LRRK2: variants seen among roughly 807,000 people sequenced by gnomAD.
LRRK2 encodes leucine-rich repeat serine/threonine-protein kinase 2.
LRRK2 carries 203 observed loss-of-function variants against 302.6 expected under a neutral mutation model. The observed-to-expected ratio is 0.67, with a 90% CI of 0.60 to 0.75. The LOEUF (loss-of-function observed/expected upper bound fraction) is 0.75, where lower values mean the gene tolerates loss of function less well. Among genes scored for constraint, LRRK2 ranks in the 30% least tolerant of loss-of-function variants. LRRK2 has a pLI of 0.00. For synonymous variants in LRRK2, 1,066 were observed against 1,031.9 expected (o/e 1.03, Z -0.63); for missense variants, 2,830 against 2,951.0 (o/e 0.96, Z 0.95).
chr12:40,353,344 A>G (rs140722234), intron 44 of LRRK2, among the ~76,000 whole-genome samples: 108,038 of 138,900 alleles, frequency 0.78, 42,176 homozygotes, highest in Non-Finnish European at 0.86. Context: ...CCTCCCAGAC[A>G]GGGTTGCGGC....
intron 25 of LRRK2, among the ~76,000 whole-genome samples, chr12:40,300,576 A>G (rs937400301): frequency 4.6e-5 from 7 of 152,098 alleles, no homozygotes; most frequent in Non-Finnish European, 1.0e-4. Context: ...CTTAATTTGG[A>G]TAGTATTTTC....
chr12:40,291,140 GA>G (rs199750900), intron 20 of LRRK2, among the ~76,000 whole-genome samples: 1,779 of 152,150 alleles, frequency 0.012, 42 homozygotes, highest in African/African-American at 0.041. Flanking sequence ...GGACATGGAT[GA>G]AGCTGGAAAC....
At chr12:40,333,856 T>A (rs1945788872) in intron 39 of LRRK2, among the ~76,000 whole-genome samples, 1 of 151,920 alleles carries the variant, frequency 6.6e-6, no homozygotes, top group East Asian at 2.0e-4. Context: ...AAAGACCCTA[T>A]GATGGGAAGA....
intron 8 of LRRK2, among the ~76,000 whole-genome samples, chr12:40,250,886 A>G (rs994083328): frequency 4.0e-5 from 6 of 151,610 alleles, no homozygotes; most frequent in African/African-American, 7.3e-5. Context: ...TATGTACCAC[A>G]TTTTCTTTAT....
intron 3 of LRRK2, 195 bp downstream of exon 3, chr12:40,232,578 C>T: frequency 1.9e-6 from 1 of 538,532 alleles, no homozygotes; most frequent in Non-Finnish European, 3.3e-6. Context: ...AGAAAGCAAA[C>T]ATTTAAGGTA....
intron 14 of LRRK2, among the ~76,000 whole-genome samples, chr12:40,265,293 C>T (rs1942960971): frequency 6.6e-6 from 1 of 152,058 alleles, no homozygotes; most frequent in South Asian, 2.1e-4. Flanking sequence ...ATCTCATAAG[C>T]CGGTTGTTGA....
rs117297508 is a variant in LRRK2, at chr12:40,235,945, C to T, written c.436+231C>T. Among the ~76,000 whole-genome samples, 4,714 of 151,916 alleles carry T rather than the reference C, an allele frequency of 0.031. 201 individuals are homozygous for T. Among genetic ancestry groups the T allele is most frequent in the Admixed American group, 0.11 (1,697 of 15,246 alleles). On this transcript the variant is annotated intron_variant, in intron 4 of 50. Coordinates refer to ENST00000298910, the MANE Select transcript of LRRK2 (RefSeq NM_198578.4). The stretch of plus-strand genomic sequence containing the variant: ...AATTCTTTCTGTTTCCATCTCTTCT[C>T]CTTATCTCTTTTCTCTATACTTTGC...
At chr12:40,260,678 G>T (rs905794329) in intron 13 of LRRK2, among the ~76,000 whole-genome samples, 1 of 152,078 alleles carries the variant, frequency 6.6e-6, no homozygotes, top group Admixed American at 6.6e-5. Context: ...ATAGCATTGT[G>T]GTGCAGAGGA....
chr12:40,313,890 CT>C, intron 31 of LRRK2, 81 bp from the exon 32 acceptor site: 1 of 1,065,052 alleles, frequency 9.4e-7, no homozygotes, highest in Non-Finnish European at 1.4e-6. Flanking sequence ...TCTGTAAAAA[CT>C]GTTAGCACTG....
At chr12:40,314,739 G>C (rs184264418) in intron 32 of LRRK2, among the ~76,000 whole-genome samples, 2 of 152,086 alleles carry the variant, frequency 1.3e-5, no homozygotes, top group African/African-American at 4.8e-5. Flanking sequence ...TGAGTTGTTT[G>C]ATAGTACTAG....
At chr12:40,248,047 C>CT (rs1942088686) in intron 7 of LRRK2, among the ~76,000 whole-genome samples, 1 of 151,840 alleles carries the variant, frequency 6.6e-6, no homozygotes, top group Non-Finnish European at 1.5e-5. Context: ...TCAGGTGACC[C>CT]TTTATTCATT....
chr12:40,227,561 A>G (rs1298456787), intron 2 of LRRK2, among the ~76,000 whole-genome samples: 1 of 152,218 alleles, frequency 6.6e-6, no homozygotes, highest in Non-Finnish European at 1.5e-5. Context: ...GCAATATTTT[A>G]TTTCTGTACC....
chr12:40,287,505 T>C lies in LRRK2; in HGVS notation c.2655T>C (p.Ser885=), dbSNP rs897809290. The change falls in exon 20 of 51, where the codon AGT becomes AGC. Residue 885 remains serine (S), a synonymous_variant. Coordinates refer to ENST00000298910, the MANE Select transcript of LRRK2 (RefSeq NM_198578.4). ...TTATTCCTGACTCTTCTATGGACAG[T>C]GTGTTTGCTCAAAGTGATGACCTGG... ...WTFIPDSSMD[S]VFAQSDDLDS... The C allele has an allele frequency of 6.2e-7, 1 of 1,612,596 alleles. No individual in the cohort carries two copies. The highest frequency in any genetic ancestry group is 8.5e-7 in the Non-Finnish European group (1 of 1,178,950).
At position 40,295,659 on chromosome 12, in the gene LRRK2, T is replaced by A; in HGVS notation, c.3096+15T>A. 2.5e-6 allele frequency: 4 copies of A among 1,607,992 alleles called. No individual in the cohort carries two copies. Among genetic ancestry groups the A allele is most frequent in the Non-Finnish European group, 3.4e-6 (4 of 1,175,190 alleles). On this transcript the variant is annotated intron_variant, in intron 23 of 50. Transcript: ENST00000298910. Reference sequence around the variant, plus strand: ...AGCTATGTGAAGTAAATTTAATTTATCCTTGTAACTTTCAAGACATTTGAA... The same window carrying A: ...AGCTATGTGAAGTAAATTTAATTTAACCTTGTAACTTTCAAGACATTTGAA...
At position 40,333,237 on chromosome 12, in the gene LRRK2, C is replaced by G. The variant is rs11834838; in HGVS notation, c.5758-1730C>G. On this transcript the variant is annotated intron_variant, in intron 39 of 50. Coordinates refer to ENST00000298910, the MANE Select transcript of LRRK2 (RefSeq NM_198578.4). The stretch of plus-strand genomic sequence containing the variant: ...ATTTTATCTACTAAGCAAATATGAT[C>G]ACAGTCTGAAGCTTTGTTCTTGGAA... Among the ~76,000 whole-genome samples the G allele has an allele frequency of 8.4e-3, 1,280 of 152,192 alleles. 13 individuals carry two copies. Among genetic ancestry groups the G allele is most frequent in the African/African-American group, 0.029 (1,213 of 41,536 alleles).
intron 10 of LRRK2, 134 bp from the exon 11 acceptor site, chr12:40,252,776 T>A: frequency 1.5e-6 from 1 of 667,820 alleles, no homozygotes; most frequent in Non-Finnish European, 2.7e-6. Context: ...TAATTCACTC[T>A]TGTAAGTGGA....
chr12:40,234,630 G>T (rs1391455020), intron 3 of LRRK2, among the ~76,000 whole-genome samples: 1 of 151,916 alleles, frequency 6.6e-6, no homozygotes, highest in Non-Finnish European at 1.5e-5. Flanking sequence ...CCCCGCCTCG[G>T]CGTCCCAAAG....
At position 40,268,154 on chromosome 12, in the gene LRRK2, G is replaced by T. The variant is rs139455231; in HGVS notation, c.1656+4253G>T. 2.4e-4 allele frequency among the ~76,000 whole-genome samples: 36 copies of T among 152,248 alleles called. No individual in the cohort carries two copies. The East Asian group carries it at 6.4e-3, about 27-fold the overall frequency. ...AAGACTTTGTCACCTGTTCCAGAGA[G>T]ATATATTTGTTCATTATTGTTTCCA... On this transcript the variant is annotated intron_variant, in intron 14 of 50. Transcript: ENST00000298910.
intron 11 of LRRK2, among the ~76,000 whole-genome samples, chr12:40,253,467 C>T (rs971302578): frequency 1.1e-4 from 16 of 152,208 alleles, no homozygotes; most frequent in Admixed American, 8.5e-4. Flanking sequence ...CTCACTACAA[C>T]CTCAAACTTT....
Sources: gnomAD v4.1 joint callset for allele counts (sites outside exome capture counted in the v4.1 genomes callset) on GRCh38, gnomAD v4.1.1 for gene constraint, MANE v1.5 for transcripts, NCBI Gene and HGNC (gene_info 2026-07-23, HGNC 2026-07-21) for gene names.